Variants in SLC14A1 observed in about 807,000 individuals in gnomAD.
SLC14A1 encodes solute carrier family 14 member 1 (Kidd blood group).
In SLC14A1, 36 loss-of-function variants were observed where a neutral mutation model predicts 39.6. The ratio of observed to expected loss-of-function variants is 0.91; its 90% confidence interval spans 0.70 to 1.20. The LOEUF is 1.20. Ranked by LOEUF, SLC14A1 falls within the 50% of genes most tolerant of loss-of-function variation. The pLI is 0.00. For missense variants in SLC14A1, 469 were observed against 478.7 expected (o/e 0.98, Z 0.19); for synonymous variants, 164 against 173.6 (o/e 0.94, Z 0.43).
Position 45,750,323 on chromosome 18 carries a change from A to G in SLC14A1, c.*372A>G. The G allele has an allele frequency of 8.8e-7, 1 of 1,137,630 alleles. No individual in the cohort carries two copies. The highest frequency in any genetic ancestry group is 1.1e-6 in the Non-Finnish European group (1 of 921,696). The allele number at this position is 1,137,630 out of a possible 1,614,324, so 70.5% of individuals were successfully genotyped here. A position where few individuals can be genotyped will look rare whatever the true frequency, so the allele number is the denominator to read the frequency against. On this transcript the variant is annotated 3_prime_UTR_variant, in exon 10 of 10. Coordinates refer to ENST00000321925, the MANE Select transcript of SLC14A1 (RefSeq NM_015865.7). ...ATGATGTTAACAGTATTAAAAATTA[A>G]ACCCCATAAACCAACTAAGCCTTAT...
chr18:45,736,701 G>C (rs545771490), intron 6 of SLC14A1, 53 bp downstream of exon 6: 1 of 1,514,768 alleles, frequency 6.6e-7, no homozygotes, highest in African/African-American at 1.4e-5. Flanking sequence ...ATACGCAATG[G>C]CCTCCTGGTC....
intron 2 of SLC14A1, among the ~76,000 whole-genome samples, chr18:45,728,671 C>T (rs965747873): frequency 4.6e-5 from 7 of 152,052 alleles, no homozygotes; most frequent in Admixed American, 2.6e-4. Flanking sequence ...ATTATTCATA[C>T]GGTTTTTTAT....
At position 45,751,758 on chromosome 18, in the gene SLC14A1, T is replaced by C. The variant is rs2047716272; in HGVS notation, c.*1807T>C. 1 of 693,640 alleles carries C rather than the reference T, an allele frequency of 1.4e-6. No homozygotes were observed. The allele number at this position is 693,640 out of a possible 1,614,324, so 43.0% of individuals were successfully genotyped here. A position where few individuals can be genotyped will look rare whatever the true frequency, so the allele number is the denominator to read the frequency against. ...GATCATGTCACTGCACTCCAGCCTG[T>C]GTGACCGAGCAAGACCCTATCTCAA... On this transcript the variant is annotated 3_prime_UTR_variant, in exon 10 of 10. Coordinates refer to ENST00000321925, the MANE Select transcript of SLC14A1 (RefSeq NM_015865.7).
At chr18:45,735,297 C>A (rs145346643) in intron 5 of SLC14A1, among the ~76,000 whole-genome samples, 30 of 152,324 alleles carry the variant, frequency 2.0e-4, no homozygotes, top group African/African-American at 7.2e-4. Flanking sequence ...ATCTGCTCCC[C>A]GGCCCCAGGG....
chr18:45,733,783 G>A (rs375152692), intron 4 of SLC14A1, among the ~76,000 whole-genome samples: 3 of 152,190 alleles, frequency 2.0e-5, no homozygotes, highest in East Asian at 3.9e-4. Flanking sequence ...GTTGGGAACT[G>A]GGCCGCACAG....
intron 8 of SLC14A1, among the ~76,000 whole-genome samples, chr18:45,748,096 T>G (rs1319816904): frequency 6.6e-6 from 1 of 152,242 alleles, no homozygotes; most frequent in Non-Finnish European, 1.5e-5. Context: ...TACTGTGTGC[T>G]AAACACATGC....
chr18:45,751,862 G>T lies in SLC14A1; in HGVS notation c.*1911G>T. On this transcript the variant is annotated 3_prime_UTR_variant, in exon 10 of 10. Coordinates refer to ENST00000321925, the MANE Select transcript of SLC14A1 (RefSeq NM_015865.7). Reference sequence around the variant, plus strand: ...TACTTTCCACTTCAGTGTGTATCGTGTAGTATTTTGGAGGTTGGAAAGTGA... The same window carrying T: ...TACTTTCCACTTCAGTGTGTATCGTTTAGTATTTTGGAGGTTGGAAAGTGA... The T allele has an allele frequency of 1.0e-6, 1 of 984,806 alleles. No individual in the cohort carries two copies. Among genetic ancestry groups the T allele is most frequent in the African/African-American group, 1.7e-5 (1 of 57,276 alleles). The allele number at this position is 984,806 out of a possible 1,614,324, so 61.0% of individuals were successfully genotyped here.
At chr18:45,738,493 C>T (rs1000691223) in intron 6 of SLC14A1, among the ~76,000 whole-genome samples, 1 of 152,212 alleles carries the variant, frequency 6.6e-6, no homozygotes, top group African/African-American at 2.4e-5. Flanking sequence ...AGAATTATGA[C>T]ATTTCCATGT....
chr18:45,744,928 G>A (rs551038533), intron 8 of SLC14A1, among the ~76,000 whole-genome samples: 2 of 152,224 alleles, frequency 1.3e-5, no homozygotes, highest in South Asian at 2.1e-4. Context: ...TATCTGTTGA[G>A]TTCTCCATTT....
At chr18:45,742,736 G>A (rs894678463) in intron 8 of SLC14A1, among the ~76,000 whole-genome samples, 1 of 151,658 alleles carries the variant, frequency 6.6e-6, no homozygotes, top group Admixed American at 6.6e-5. Flanking sequence ...GGCATGCAGT[G>A]GCACGATCTC....
At chr18:45,734,157 C>A in intron 4 of SLC14A1, 117 bp from the exon 5 acceptor site, 1 of 1,343,406 alleles carries the variant, frequency 7.4e-7, no homozygotes, top group Non-Finnish European at 1.1e-6. Context: ...AATACATTTC[C>A]AAATATAATC....
chr18:45,739,586 C>T lies in SLC14A1; in HGVS notation c.870C>T (p.Ser290=). 2 of 1,614,160 alleles carry T rather than the reference C, an allele frequency of 1.2e-6. No individual in the cohort carries two copies. The highest frequency in any genetic ancestry group is 1.7e-6 in the Non-Finnish European group (2 of 1,180,000). The change falls in exon 8 of 10, where the codon AGC becomes AGT. Residue 290 remains serine, a synonymous_variant. Coordinates refer to ENST00000321925, the MANE Select transcript of SLC14A1 (RefSeq NM_015865.7). ...DIYFGLWGFN[S]SLACIAMGGM... is the part of the protein sequence containing the mutation. ...ACTTTGGACTCTGGGGTTTCAACAG[C>T]TCTCTGGCCTGCATTGCAATGGGAG...
chr18:45,725,088 T>C (rs2046828001), intron 2 of SLC14A1, 75 bp downstream of exon 2: 1 of 152,264 alleles, frequency 6.6e-6, no homozygotes, highest in Non-Finnish European at 1.5e-5. Flanking sequence ...TGCTTTCTTC[T>C]ATATCCATAT....
Position 45,752,027 on chromosome 18 carries a change from C to A in SLC14A1, c.*2076C>A, listed in dbSNP as rs1384834569. 2.0e-6 allele frequency: 2 copies of A among 985,218 alleles called. No homozygotes were observed. Among genetic ancestry groups the A allele is most frequent in the Non-Finnish European group, 2.4e-6 (2 of 829,910 alleles). The allele number at this position is 985,218 out of a possible 1,614,324, so 61.0% of individuals were successfully genotyped here. A position where few individuals can be genotyped will look rare whatever the true frequency, so the allele number is the denominator to read the frequency against. On this transcript the variant is annotated 3_prime_UTR_variant, in exon 10 of 10. Transcript: ENST00000321925. ...GGAGAAGCTCACTTCTTCCTTTTCTCAGGAAACCAAGCAAGCAAACATATC... is the reference window on the plus strand; with the variant it reads ...GGAGAAGCTCACTTCTTCCTTTTCTAAGGAAACCAAGCAAGCAAACATATC...
intron 2 of SLC14A1, chr18:45,727,115 G>T (rs2046885473): frequency 7.4e-6 from 5 of 678,676 alleles, no homozygotes; most frequent in African/African-American, 1.8e-5. Flanking sequence ...CTTCATTAGC[G>T]GTCTCCCATG....
chr18:45,727,714 T>G (rs1162008079), intron 2 of SLC14A1, among the ~76,000 whole-genome samples: 1 of 152,244 alleles, frequency 6.6e-6, no homozygotes, highest in Non-Finnish European at 1.5e-5. Context: ...TCTTCTTAGT[T>G]GAAATTAATG....
Position 45,752,374 on chromosome 18 carries a change from C to A in SLC14A1, c.*2423C>A. 3.3e-6 allele frequency: 1 copy of A among 303,120 alleles called. No individual in the cohort carries two copies. The highest frequency in any genetic ancestry group is 4.8e-6 in the Non-Finnish European group (1 of 206,270). The allele number at this position is 303,120 out of a possible 1,614,324, so 18.8% of individuals were successfully genotyped here. A position where few individuals can be genotyped will look rare whatever the true frequency, so the allele number is the denominator to read the frequency against. On this transcript the variant is annotated 3_prime_UTR_variant, in exon 10 of 10. Coordinates refer to ENST00000321925, the MANE Select transcript of SLC14A1 (RefSeq NM_015865.7). Reference sequence around the variant, plus strand: ...TGTAAATGGGAACATTGTACATTGTCGAATTTAAATGATATTAATTTTCTC... The same window carrying A: ...TGTAAATGGGAACATTGTACATTGTAGAATTTAAATGATATTAATTTTCTC...
At chr18:45,733,933 A>G (rs144744116) in intron 4 of SLC14A1, among the ~76,000 whole-genome samples, 1 of 152,154 alleles carries the variant, frequency 6.6e-6, no homozygotes, top group Non-Finnish European at 1.5e-5. Flanking sequence ...CTTGCTCCTT[A>G]TGAGAATCTA....
intron 9 of SLC14A1, 129 bp downstream of exon 9, chr18:45,748,554 C>T (rs1568049675): frequency 1.1e-6 from 1 of 932,946 alleles, no homozygotes; most frequent in East Asian, 2.4e-5. Flanking sequence ...GCACTGCTCT[C>T]CCTTCTCCTG....
Sources: gnomAD v4.1 joint callset for allele counts (sites outside exome capture counted in the v4.1 genomes callset) on GRCh38, gnomAD v4.1.1 for gene constraint, MANE v1.5 for transcripts, NCBI Gene and HGNC (gene_info 2026-07-23, HGNC 2026-07-21) for gene names.